GVQW3: variants seen among roughly 807,000 people sequenced by gnomAD.
GVQW3 encodes the protein protein GVQW3.
A neutral mutation model predicts 12.5 loss-of-function variants in GVQW3; 7 were observed. The ratio of observed to expected loss-of-function variants is 0.56; its 90% CI spans 0.32 to 1.05. The LOEUF is 1.05. Ranked by LOEUF, GVQW3 falls within the 50% of genes least tolerant of loss-of-function variation. The probability of loss-of-function intolerance (pLI) is 0.04; values close to 1 mark genes in which losing one functional copy is unlikely to be tolerated. For missense variants in GVQW3, 188 were observed against 190.8 expected, an observed-to-expected ratio of 0.99 and a Z score of 0.09; for synonymous variants, 71 against 67.2, an observed-to-expected ratio of 1.06 and a Z score of -0.28.
rs1946919151 is a variant in GVQW3 at position 76,394,169 on chromosome 11, T to C, written c.466-9491T>C. Among the ~76,000 whole-genome samples, 5 of 152,192 alleles carry C rather than the reference T, an allele frequency of 3.3e-5. No individual in the cohort carries two copies. The South Asian group carries it at 1.0e-3, about 31-fold the overall frequency. ...CTGCCTTGGCCTCCCAAAGTGTGAT[T>C]ATAGGCGTGAGCCACCACGCCCAGC... On this transcript the variant is annotated intron_variant, in intron 1 of 1. Coordinates refer to ENST00000529331, the MANE Select transcript of GVQW3 (RefSeq NM_001347885.2).
chr11:76,389,616 C>T (rs1590817235), intron 1 of GVQW3: 2 of 152,178 alleles, frequency 1.3e-5, no homozygotes, highest in East Asian at 3.8e-4. Flanking sequence ...GGTAAAAGAC[C>T]ACTTATGAAT....
At chr11:76,408,531 T>TGTTTAA (rs1333564971), downstream of GVQW3, 13 of 152,204 alleles carry the variant, frequency 8.5e-5, no homozygotes, top group African/African-American at 3.1e-4. Flanking sequence ...ACATCAGTGC[T>TGTTTAA]CCAGCAAGTG....
intron 1 of GVQW3, chr11:76,392,232 T>G (rs1346795068): frequency 1.3e-5 from 2 of 152,188 alleles, no homozygotes; most frequent in African/African-American, 2.4e-5. Context: ...AAAGAGACAG[T>G]GGACTGTAAA....
At position 76,381,723 on chromosome 11, in the gene GVQW3, C is replaced by T; in HGVS notation, c.-106C>T. 1 of 1,065,430 alleles carries T rather than the reference C, an allele frequency of 9.4e-7. No individual in the cohort carries two copies. The highest frequency in any genetic ancestry group is 1.3e-6 in the Non-Finnish European group (1 of 770,394). 66.0% of individuals were successfully genotyped at this position (1,065,430 alleles called of 1,614,324 possible). ...TTTCCCGGCGAGGCTTCTAGAAGAG[C>T]AAGAAGAGCGATATGATTACACCTG... On this transcript the variant is annotated 5_prime_UTR_variant, in exon 1 of 2. Coordinates refer to ENST00000529331, the MANE Select transcript of GVQW3 (RefSeq NM_001347885.2).
chr11:76,399,103 G>GTATTT (rs1426857110), intron 1 of GVQW3, among the ~76,000 whole-genome samples: 6 of 151,838 alleles, frequency 4.0e-5, no homozygotes, highest in African/African-American at 1.5e-4. Flanking sequence ...TAATTGTATT[G>GTATTT]TATTGTATTT....
intron 1 of GVQW3, chr11:76,392,204 A>G (rs60796004): frequency 1.3e-3 from 203 of 152,380 alleles, no homozygotes; most frequent in African/African-American, 4.8e-3. Context: ...GTAATCATCA[A>G]CTAAGGGTGA....
Sources: allele counts gnomAD v4.1 joint callset (sites outside exome capture counted in the v4.1 genomes callset), GRCh38; gene constraint gnomAD v4.1.1; transcripts MANE v1.5; gene names NCBI Gene and HGNC (gene_info 2026-07-23, HGNC 2026-07-21).